HRNR: variants seen among roughly 807,000 people sequenced by gnomAD.
The protein encoded by HRNR is filaggrin family member 3.
Under a neutral mutation model 4.8 loss-of-function variants are expected in HRNR, and 7 were observed. The ratio of observed to expected loss-of-function variants is 1.47; its 90% CI spans 0.83 to 2.75. HRNR has a LOEUF of 2.75. Among genes scored for constraint, HRNR ranks in the 30% most tolerant of loss-of-function variants. The pLI is 0.00. For missense variants in HRNR, 2,879 were observed against 3,010.4 expected, an observed-to-expected ratio of 0.96 and a Z score of 1.02; for synonymous variants, 1,023 against 1,242.7, an observed-to-expected ratio of 0.82 and a Z score of 3.72.
Position 152,215,379 on chromosome 1 carries a change from G to C in HRNR, c.6250C>G (p.His2084Asp). The C allele has an allele frequency of 6.3e-7, 1 of 1,589,194 alleles. No homozygotes were observed. Among genetic ancestry groups the C allele is most frequent in the Non-Finnish European group, 8.5e-7 (1 of 1,172,238 alleles). Residue 2084 changes from histidine (H) to aspartate (D), a missense_variant, in exon 3 of 3, where the codon CAT becomes GAT. This residue lies in a region of HRNR where 11 missense variants were observed against 47.5 expected (regional missense o/e 0.23). Transcript: ENST00000368801. ...GSRQSPSYGR[H>D]GSGSGRSSSS... ...GAAGACCGACCGGAGCCAGACCCAT[G>C]TCGGCCATAGCTGGGAGACTGCCTT...
In HRNR at chr1:152,219,220, G is replaced by T. The variant is rs34188717; in HGVS notation, c.2409C>A (p.Ser803Arg). The change falls in exon 3 of 3, where the codon AGC (serine) becomes AGA (arginine). Residue 803 changes from serine to arginine, a missense_variant. Physicochemically the swap from Ser to Arg is moderately radical, Grantham distance 110 (BLOSUM62 -1). Coordinates refer to ENST00000368801, the MANE Select transcript of HRNR (RefSeq NM_001009931.3). ...QHGSGTSCSS[S>R]CGHYESGSGQ... Reference sequence around the variant, plus strand: ...CTGAGCCAGACTCATAATGGCCACAGCTGGAAGAACAACTTGTGCCAGACC... The same window carrying T: ...CTGAGCCAGACTCATAATGGCCACATCTGGAAGAACAACTTGTGCCAGACC... The T allele has an allele frequency of 1.9e-6, 3 of 1,613,842 alleles. No homozygotes were observed. The highest frequency in any genetic ancestry group is 2.5e-6 in the Non-Finnish European group (3 of 1,179,942).
At chr1:152,223,020 A>G in intron 2 of HRNR, 96 bp downstream of exon 2, 1 of 1,276,672 alleles carries the variant, frequency 7.8e-7, no homozygotes, top group South Asian at 1.3e-5. Flanking sequence ...CCAAGTAAGG[A>G]CAATCCTCTA....
rs1330970446 is a variant in HRNR, at chr1:152,220,656, G to GT, written c.972dup (p.His325ThrfsTer15). The GT allele has an allele frequency of 1.9e-6, 3 of 1,612,534 alleles. No individual in the cohort carries two copies. The highest frequency in any genetic ancestry group is 2.5e-6 in the Non-Finnish European group (3 of 1,178,902). ...TAAGAGTAACTTGAGCCAGACCCGT[G>GT]TTGGCCGTGGCTGGAGGAGTGCCCC... On this transcript the variant is annotated frameshift_variant, in exon 3 of 3. Coordinates refer to ENST00000368801, the MANE Select transcript of HRNR (RefSeq NM_001009931.3). LOFTEE classifies it low-confidence loss of function (END_TRUNC).
rs778965957 is a variant in HRNR, at chr1:152,220,586, A to G, written c.1043T>C (p.Phe348Ser). The G allele has an allele frequency of 6.2e-7, 1 of 1,607,592 alleles. No individual in the cohort carries two copies. The highest frequency in any genetic ancestry group is 8.5e-7 in the Non-Finnish European group (1 of 1,175,594). The stretch of plus-strand genomic sequence containing the variant: ...TCCTGAGCCAGACTCATGTTGCCCA[A>G]AGCCAGAAGTCTGGCCTGAGCCAGA... ...YESGSGQTSG[F>S]GQHESGSGQS... Residue 348 changes from phenylalanine to serine, a missense_variant, in exon 3 of 3, where the codon TTT (phenylalanine) becomes TCT (serine). Coordinates refer to ENST00000368801, the MANE Select transcript of HRNR (RefSeq NM_001009931.3).
chr1:152,223,136 C>T lies in HRNR; in HGVS notation c.118G>A (p.Glu40Lys), dbSNP rs1317146318. 1 of 1,613,618 alleles carries T rather than the reference C, an allele frequency of 6.2e-7. No individual in the cohort carries two copies. The highest frequency in any genetic ancestry group is 8.5e-7 in the Non-Finnish European group (1 of 1,179,828). ...KAELKELLEN[E>K]FHQILKNPND... The stretch of plus-strand genomic sequence containing the variant: ...CTTACCTTCAGAATTTGATGAAACT[C>T]ATTTTCCAGAAGTTCTTTCAGCTCT... The change falls in exon 2 of 3, where the codon GAG (glutamate) becomes AAG (lysine). Residue 40 changes from glutamate to lysine, a missense_variant. Glu to Lys is a moderately conservative substitution (Grantham distance 56). This residue lies in a region of HRNR where 2,646 missense variants were observed against 1,377.7 expected (regional missense o/e 1.92). Transcript: ENST00000368801.
rs368344837 is a variant in HRNR, at chr1:152,219,546, A to C, written c.2083T>G (p.Ser695Ala). 239 of 1,613,530 alleles carry C rather than the reference A, an allele frequency of 1.5e-4. No homozygotes were observed. Among genetic ancestry groups the C allele is most frequent in the Admixed American group, 2.5e-4 (15 of 59,960 alleles). The change falls in exon 3 of 3, where the codon TCA becomes GCA. Residue 695 changes from serine (S) to alanine (A), a missense_variant. Coordinates refer to ENST00000368801, the MANE Select transcript of HRNR (RefSeq NM_001009931.3). ...TGACCAAAGCCGGAAGACTGGCCTG[A>C]GACAGACCCATGTGGGCCATTGCTT... ...SSSNGPHGSV[S>A]GQSSGFGHKS...
Position 152,218,997 on chromosome 1 carries a change from A to C in HRNR, c.2632T>G (p.Ser878Ala), listed in dbSNP as rs74127894. 4,026 of 1,613,852 alleles carry C rather than the reference A, an allele frequency of 2.5e-3. 68 individuals carry two copies. The African/African-American group carries it at 0.042, about 17-fold the overall frequency. The stretch of plus-strand genomic sequence containing the variant: ...CCAGAGCCATGTCGGCCGCGGCCCG[A>C]AGCGTGATGGGAGGCAGACTCATGC... ...GQHESASHHASGRGRHGSGSG... is the reference protein window; with the variant it reads ...GQHESASHHAAGRGRHGSGSG... Residue 878 changes from serine (S) to alanine (A), a missense_variant, in exon 3 of 3, where the codon TCG (serine) becomes GCG (alanine). Ser to Ala is a moderately conservative substitution (Grantham distance 99). Coordinates refer to ENST00000368801, the MANE Select transcript of HRNR (RefSeq NM_001009931.3).
chr1:152,223,228 A>G lies in HRNR; in HGVS notation c.26T>C (p.Ile9Thr), dbSNP rs1242535337. 4 of 1,608,002 alleles carry G rather than the reference A, an allele frequency of 2.5e-6. No homozygotes were observed. The highest frequency in any genetic ancestry group is 2.5e-6 in the Non-Finnish European group (3 of 1,178,586). The change falls in exon 2 of 3, where the codon ATC becomes ACC. Residue 9 changes from isoleucine (I) to threonine (T), a missense_variant. Ile to Thr is a moderately conservative substitution (Grantham distance 89). This residue lies in a region of HRNR where 2,646 missense variants were observed against 1,377.7 expected (regional missense o/e 1.92). Transcript: ENST00000368801. Reference protein sequence around the residue: MPKLLQGVITVIDVFYQYA... With the variant: MPKLLQGVTTVIDVFYQYA... ...TTGGTAGAAAACATCGATGACAGTG[A>G]TGACGCCTTGTAGGAGTTTAGGCAT...
In HRNR at chr1:152,212,828, C is replaced by A; in HGVS notation, c.*248G>T. The stretch of plus-strand genomic sequence containing the variant: ...TTTCATTATTCCTCAAAGTTTAACC[C>A]TCATTCTAACAAGTTATTCCACTCA... On this transcript the variant is annotated 3_prime_UTR_variant, in exon 3 of 3. Coordinates refer to ENST00000368801, the MANE Select transcript of HRNR (RefSeq NM_001009931.3). 3.6e-6 allele frequency: 2 copies of A among 561,452 alleles called. No homozygotes were observed. The highest frequency in any genetic ancestry group is 3.1e-6 in the Non-Finnish European group (1 of 325,602). 34.8% of individuals were successfully genotyped at this position (561,452 alleles called of 1,614,324 possible).
At position 152,212,870 on chromosome 1, in the gene HRNR, T is replaced by G. The variant is rs1557838956; in HGVS notation, c.*206A>C. The G allele has an allele frequency of 1.5e-6, 1 of 656,636 alleles. No individual in the cohort carries two copies. Among genetic ancestry groups the G allele is most frequent in the Non-Finnish European group, 2.5e-6 (1 of 393,832 alleles). The allele number at this position is 656,636 out of a possible 1,614,324, so 40.7% of individuals were successfully genotyped here. A position where few individuals can be genotyped will look rare whatever the true frequency, so the allele number is the denominator to read the frequency against. Reference sequence around the variant, plus strand: ...TTCCACTCAGTATTTTCTAACAAAGTAGCACAAATGCCTAACAGTCTTTGG... The same window carrying G: ...TTCCACTCAGTATTTTCTAACAAAGGAGCACAAATGCCTAACAGTCTTTGG... On this transcript the variant is annotated 3_prime_UTR_variant, in exon 3 of 3. Transcript: ENST00000368801.
In HRNR at chr1:152,219,329, C is replaced by T. The variant is rs372523498; in HGVS notation, c.2300G>A (p.Arg767Gln). Residue 767 changes from arginine to glutamine, a missense_variant, in exon 3 of 3, where the codon CGA becomes CAA. Transcript: ENST00000368801. ...AGAGTGGCCAGATCCAGACCCTTGT[C>T]GGCCGTGGCCCGAAGATTGATGGGA... ...SGSHQSSGHG[R>Q]QGSGSGHSPS... is the part of the protein sequence containing the mutation. 135 of 1,611,562 alleles carry T rather than the reference C, an allele frequency of 8.4e-5. 2 individuals carry two copies. The highest frequency in any genetic ancestry group is 1.0e-4 in the Non-Finnish European group (123 of 1,179,546).
Position 152,221,386 on chromosome 1 carries a change from C to T in HRNR, c.243G>A (p.Leu81=), listed in dbSNP as rs1570846907. ...FTEYLLMIFK[L]VQARNKIIGK... is the part of the protein sequence containing the mutation. The stretch of plus-strand genomic sequence containing the variant: ...CAATGATTTTATTACGAGCCTGAAC[C>T]AGCTTGAATATCATCAGAAGATACT... Residue 81 remains leucine, a synonymous_variant, in exon 3 of 3, where the codon CTG becomes CTA. Coordinates refer to ENST00000368801, the MANE Select transcript of HRNR (RefSeq NM_001009931.3). The T allele has an allele frequency of 6.2e-7, 1 of 1,613,822 alleles. No individual in the cohort carries two copies. Among genetic ancestry groups the T allele is most frequent in the Non-Finnish European group, 8.5e-7 (1 of 1,179,940 alleles).
rs1648817233 is a variant in HRNR, at chr1:152,219,093, A to G, written c.2536T>C (p.Ser846Pro). 1.9e-6 allele frequency: 3 copies of G among 1,613,598 alleles called. No homozygotes were observed. The highest frequency in any genetic ancestry group is 2.5e-6 in the Non-Finnish European group (3 of 1,179,968). Reference sequence around the variant, plus strand: ...GAGCTTGATGACTGCCCTGACGTAGATCCATGTCGTCCCTGGCTAGAGAAG... The same window carrying G: ...GAGCTTGATGACTGCCCTGACGTAGGTCCATGTCGTCCCTGGCTAGAGAAG... ...GHFSSQGRHGSTSGQSSSSGQ... is the reference protein window; with the variant it reads ...GHFSSQGRHGPTSGQSSSSGQ... Residue 846 changes from serine to proline, a missense_variant, in exon 3 of 3, where the codon TCT (serine) becomes CCT (proline). This residue lies in a region of HRNR where 2,646 missense variants were observed against 1,377.7 expected (regional missense o/e 1.92). Coordinates refer to ENST00000368801, the MANE Select transcript of HRNR (RefSeq NM_001009931.3).
At chr1:152,223,308 C>G (rs748941573) in intron 1 of HRNR, 30 bp from the exon 2 acceptor site, 13 of 1,331,626 alleles carry the variant, frequency 9.8e-6, no homozygotes, top group Non-Finnish European at 1.4e-5. Context: ...AGACCAACCC[C>G]TTACTATTCT....
At position 152,220,366 on chromosome 1, in the gene HRNR, G is replaced by T. The variant is rs2101595890; in HGVS notation, c.1263C>A (p.Gly421=). Residue 421 remains glycine, a synonymous_variant, in exon 3 of 3, where the codon GGC becomes GGA. Coordinates refer to ENST00000368801, the MANE Select transcript of HRNR (RefSeq NM_001009931.3). ...CACGCTGGCCGTGGCCTGGAGACTGGCCAGATCCAGAGCTGTGTTGGCCGC... is the reference window on the plus strand; with the variant it reads ...CACGCTGGCCGTGGCCTGGAGACTGTCCAGATCCAGAGCTGTGTTGGCCGC... ...SGRGQHSSGS[G]QSPGHGQRGS... 1 of 1,613,590 alleles carries T rather than the reference G, an allele frequency of 6.2e-7. No homozygotes were observed.
In HRNR at chr1:152,213,000, CT is replaced by C; in HGVS notation, c.*75del. 4 of 1,532,436 alleles carry C rather than the reference CT, an allele frequency of 2.6e-6. No homozygotes were observed. The highest frequency in any genetic ancestry group is 3.5e-6 in the Non-Finnish European group (4 of 1,140,966). The allele number at this position is 1,532,436 out of a possible 1,614,324, so 94.9% of individuals were successfully genotyped here. ...ACGAATTTCATGATGGATTGCTTGT[CT>C]TTCATGATGAATTCATAGATGACTT... On this transcript the variant is annotated 3_prime_UTR_variant, in exon 3 of 3. Transcript: ENST00000368801.
Position 152,218,849 on chromosome 1 carries a change from C to T in HRNR, c.2780G>A (p.Gly927Asp), listed in dbSNP as rs372462776. The T allele has an allele frequency of 3.1e-6, 5 of 1,613,908 alleles. No individual in the cohort carries two copies. The highest frequency in any genetic ancestry group is 1.1e-5 in the South Asian group (1 of 91,070). Residue 927 changes from glycine (G) to aspartate (D), a missense_variant, in exon 3 of 3, where the codon GGC (glycine) becomes GAC (aspartate). Transcript: ENST00000368801. Reference protein sequence around the residue: ...SSSGRHGSGSGQSSGFGHKSS... With the variant: ...SSSGRHGSGSDQSSGFGHKSS... ...CTTGTGACCAAAGCCAGAAGACTGG[C>T]CTGAGCCAGACCCATGTCGGCCACT...
rs201408872 is a variant in HRNR at position 152,213,135 on chromosome 1, G to C, written c.8494C>G (p.Pro2832Ala). The part of the protein sequence containing the change: ...GSSGSYFLSF[P>A]SSTSPYEYVQ... ...TATTCATAGGGTGAAGTGCTACTAG[G>C]AAAACTGAGAAAATATGAGCCAGAA... Residue 2832 changes from proline (P) to alanine (A), a missense_variant, in exon 3 of 3, where the codon CCT becomes GCT. Around this residue, in one of 8 missense-constraint regions of HRNR, gnomAD observed 158 missense variants for 107.6 expected, o/e 1.47. Transcript: ENST00000368801. 133 of 1,613,960 alleles carry C rather than the reference G, an allele frequency of 8.2e-5. 1 individual carries two copies. The South Asian group carries it at 1.3e-3, about 15-fold the overall frequency.
In HRNR at chr1:152,218,953, G is replaced by A. The variant is rs755268143; in HGVS notation, c.2676C>T (p.Gly892=). 4.3e-6 allele frequency: 7 copies of A among 1,613,798 alleles called. No homozygotes were observed. Among genetic ancestry groups the A allele is most frequent in the South Asian group, 2.2e-5 (2 of 91,044 alleles). The change falls in exon 3 of 3, where the codon GGC becomes GGT. Residue 892 remains glycine, a synonymous_variant. Coordinates refer to ENST00000368801, the MANE Select transcript of HRNR (RefSeq NM_001009931.3). ...RHGSGSGQSP[G]HGQRGSGSGQ... is the part of the protein sequence containing the mutation. ...CTGACCCAGACCCACGCTGGCCGTG[G>A]CCTGGAGACTGGCCAGATCCAGAGC...
Sources: allele counts gnomAD v4.1 joint callset, GRCh38; gene constraint gnomAD v4.1.1; regional missense constraint gnomAD v4.1.1; transcripts MANE v1.5; gene names NCBI Gene and HGNC (gene_info 2026-07-23, HGNC 2026-07-21).